Variants in RAD51B observed in about 807,000 individuals in gnomAD.
The protein encoded by RAD51B is DNA repair protein RAD51 homolog 2.
RAD51B carries 38 observed loss-of-function variants against 42.2 expected under a neutral mutation model. That is an observed-to-expected ratio of 0.90 (90% confidence interval 0.70 to 1.18). The LOEUF (loss-of-function observed/expected upper bound fraction) is 1.18, where lower values mean the gene tolerates loss of function less well. RAD51B is among the 50% of genes most tolerant of loss of function. The pLI is 0.00. For missense variants in RAD51B, 373 were observed against 400.7 expected, an observed-to-expected ratio of 0.93 and a Z score of 0.59; for synonymous variants, 154 against 145.2, an observed-to-expected ratio of 1.06 and a Z score of -0.43.
chr14:68,271,700 A>T (rs1000674186), intron 7 of RAD51B, among the ~76,000 whole-genome samples: 2 of 152,192 alleles, frequency 1.3e-5, no homozygotes, highest in African/African-American at 4.8e-5. Flanking sequence ...GCCTCACAGG[A>T]GAGTGGCCAG....
At chr14:68,210,982 G>A (rs989356330) in intron 7 of RAD51B, among the ~76,000 whole-genome samples, 1 of 152,156 alleles carries the variant, frequency 6.6e-6, no homozygotes, top group Non-Finnish European at 1.5e-5. Context: ...CTAACAGAAT[G>A]GTTTCACTTC....
chr14:67,917,043 A>G (rs1026029623), intron 7 of RAD51B, among the ~76,000 whole-genome samples: 8 of 152,238 alleles, frequency 5.3e-5, no homozygotes, highest in African/African-American at 1.9e-4. Context: ...AGCCAGTGAC[A>G]TCTGAGCAAA....
chr14:67,932,757 T>A (rs756828382), intron 7 of RAD51B, among the ~76,000 whole-genome samples: 44 of 152,090 alleles, frequency 2.9e-4, no homozygotes, highest in Non-Finnish European at 3.4e-4. Context: ...TTGTCCACTC[T>A]TGGCAGCAAC....
At chr14:68,566,664 G>A (rs188203070) in intron 10 of RAD51B, among the ~76,000 whole-genome samples, 12 of 152,140 alleles carry the variant, frequency 7.9e-5, no homozygotes, top group Non-Finnish European at 1.5e-4. Context: ...AAACCCCCCC[G>A]GTGCCTCAGT....
intron 7 of RAD51B, among the ~76,000 whole-genome samples, chr14:68,097,122 A>G (rs756280146): frequency 2.6e-5 from 4 of 152,100 alleles, no homozygotes; most frequent in East Asian, 1.9e-4. Flanking sequence ...CTCTTGATGA[A>G]TGCATTCATA....
intron 7 of RAD51B, among the ~76,000 whole-genome samples, chr14:68,131,132 G>A (rs1013125364): frequency 6.6e-6 from 1 of 152,084 alleles, no homozygotes; most frequent in Non-Finnish European, 1.5e-5. Context: ...AACTCAATCT[G>A]TATTTCTAAA....
chr14:68,546,938 T>G (rs1888267862), intron 10 of RAD51B, among the ~76,000 whole-genome samples: 1 of 152,234 alleles, frequency 6.6e-6, no homozygotes, highest in African/African-American at 2.4e-5. Context: ...GTGCAGTTTA[T>G]CAGGACTTTC....
At chr14:68,022,041 A>C (rs1414636704) in intron 7 of RAD51B, among the ~76,000 whole-genome samples, 1 of 152,182 alleles carries the variant, frequency 6.6e-6, no homozygotes, top group African/African-American at 2.4e-5. Context: ...TGGTAATAAG[A>C]GTAGTACCCA....
intron 7 of RAD51B, among the ~76,000 whole-genome samples, chr14:67,973,764 C>CA (rs1403871295): frequency 6.6e-6 from 1 of 152,030 alleles, no homozygotes; most frequent in Non-Finnish European, 1.5e-5. Context: ...TTTTAAGTGG[C>CA]AAAGTTTTAG....
intron 7 of RAD51B, among the ~76,000 whole-genome samples, chr14:68,134,695 G>A (rs1417925332): frequency 1.3e-5 from 2 of 151,930 alleles, no homozygotes; most frequent in African/African-American, 4.8e-5. Flanking sequence ...ATATTTTCAT[G>A]TGTTTACTTG....
chr14:67,979,586 A>G (rs1306236215), intron 7 of RAD51B, among the ~76,000 whole-genome samples: 5 of 152,070 alleles, frequency 3.3e-5, no homozygotes, highest in African/African-American at 9.7e-5. Context: ...AATCTCACCA[A>G]TATTTCTCCC....
chr14:68,040,738 A>G (rs989764535), intron 7 of RAD51B, among the ~76,000 whole-genome samples: 2 of 152,354 alleles, frequency 1.3e-5, no homozygotes, highest in East Asian at 3.9e-4. Flanking sequence ...GGTAAGGTCC[A>G]TATGAGCCCT....
intron 10 of RAD51B, among the ~76,000 whole-genome samples, chr14:68,571,970 C>T (rs577456188): frequency 7.9e-5 from 12 of 152,256 alleles, no homozygotes; most frequent in African/African-American, 2.2e-4. Flanking sequence ...GATTTTATTT[C>T]GTTGTCCATC....
At chr14:68,173,217 C>G (rs555288780) in intron 7 of RAD51B, among the ~76,000 whole-genome samples, 31 of 152,242 alleles carry the variant, frequency 2.0e-4, no homozygotes, top group Middle Eastern at 3.4e-3. Flanking sequence ...TGTTTTGTTT[C>G]TTATTTATAA....
intron 7 of RAD51B, among the ~76,000 whole-genome samples, chr14:68,167,817 C>A (rs913316154): frequency 1.3e-5 from 2 of 152,014 alleles, no homozygotes; most frequent in Non-Finnish European, 2.9e-5. Context: ...TACTCCCTGC[C>A]CTCTTTAGCA....
At chr14:67,923,256 G>GTA (rs1185239034) in intron 7 of RAD51B, among the ~76,000 whole-genome samples, 27 of 146,854 alleles carry the variant, frequency 1.8e-4, no homozygotes, top group South Asian at 4.4e-4. Context: ...GTGTGTGTGT[G>GTA]TATATATATA....
intron 7 of RAD51B, among the ~76,000 whole-genome samples, chr14:68,092,947 A>G (rs1237166285): frequency 6.7e-6 from 1 of 150,004 alleles, no homozygotes; most frequent in Non-Finnish European, 1.5e-5. Flanking sequence ...TTCTGCATCT[A>G]TTGAGATAAT....
chr14:67,876,314 G>C (rs976460770), intron 5 of RAD51B, among the ~76,000 whole-genome samples: 2 of 152,098 alleles, frequency 1.3e-5, no homozygotes, highest in Non-Finnish European at 2.9e-5. Context: ...TTTACATTAA[G>C]CGTATGTTTT....
rs181459801 is a variant in RAD51B at position 68,477,640 on chromosome 14, T to C, written c.1037-8T>C. The stretch of plus-strand genomic sequence containing the variant: ...TCAAACTTTCTCTTTTTTTTTTTTT[T>C]CCTTTAGGCCAAGAGAAGCCATAGG... On this transcript the variant is annotated splice_region_variant and splice_polypyrimidine_tract_variant and intron_variant, in intron 10 of 10. Coordinates refer to ENST00000471583, the MANE Select transcript of RAD51B (RefSeq NM_133510.4). 8.0e-4 allele frequency: 1,287 copies of C among 1,601,952 alleles called. 9 individuals are homozygous for C. The East Asian group carries it at 0.024, about 29-fold the overall frequency.
Sources: allele counts gnomAD v4.1 joint callset (sites outside exome capture counted in the v4.1 genomes callset), GRCh38; gene constraint gnomAD v4.1.1; transcripts MANE v1.5; gene names NCBI Gene and HGNC (gene_info 2026-07-23, HGNC 2026-07-21).